STX5: variants seen among roughly 807,000 people sequenced by gnomAD.
STX5 encodes the protein syntaxin-5.
Under a neutral mutation model 42.9 loss-of-function variants are expected in STX5, and 15 were observed. The ratio of observed to expected loss-of-function variants is 0.35; its 90% confidence interval spans 0.23 to 0.54. STX5 has a LOEUF of 0.54. Among genes scored for constraint, STX5 ranks in the 20% least tolerant of loss-of-function variants. The pLI, the probability that STX5 is intolerant of heterozygous loss-of-function variation, is 0.91. For missense variants in STX5, 430 were observed against 455.0 expected (o/e 0.95, Z 0.50); for synonymous variants, 184 against 173.2 (o/e 1.06, Z -0.49).
chr11:62,823,428 C>A (rs2084761473), intron 10 of STX5, among the ~76,000 whole-genome samples: 1 of 152,180 alleles, frequency 6.6e-6, no homozygotes, highest in Non-Finnish European at 1.5e-5. Context: ...GTGGGCCTCC[C>A]AAAGTGCTGG....
At chr11:62,820,176 C>G (rs1481742115) in intron 10 of STX5, among the ~76,000 whole-genome samples, 4 of 151,340 alleles carry the variant, frequency 2.6e-5, no homozygotes, top group African/African-American at 9.7e-5. Context: ...CGAGACCATC[C>G]TGGCTAACAT....
chr11:62,831,373 C>T (rs1008496717), intron 1 of STX5, 111 bp from the exon 2 acceptor site: 22 of 829,938 alleles, frequency 2.7e-5, no homozygotes, highest in Admixed American at 6.0e-5. Context: ...CGTGGACTTT[C>T]GCGCCCAGGA....
intron 10 of STX5, among the ~76,000 whole-genome samples, chr11:62,812,317 T>TC (rs1416089795): frequency 6.6e-6 from 1 of 151,770 alleles, no homozygotes; most frequent in Non-Finnish European, 1.5e-5. Context: ...CCTCAGGTGG[T>TC]CCGCCCGCCT....
At chr11:62,819,347 A>C (rs902910497) in intron 10 of STX5, among the ~76,000 whole-genome samples, 1 of 149,688 alleles carries the variant, frequency 6.7e-6, no homozygotes, top group Non-Finnish European at 1.5e-5. Context: ...TTGTCAGCAG[A>C]TCTCCACTAC....
intron 10 of STX5, among the ~76,000 whole-genome samples, chr11:62,813,257 G>T (rs762797944): frequency 6.6e-6 from 1 of 152,126 alleles, no homozygotes; most frequent in African/African-American, 2.4e-5. Flanking sequence ...CTGGGTGACA[G>T]AGTGAGACTG....
At chr11:62,807,749 G>A in intron 10 of STX5, 121 bp from the exon 11 acceptor site, 1 of 1,481,298 alleles carries the variant, frequency 6.8e-7, no homozygotes, top group Non-Finnish European at 9.0e-7. Context: ...ATATATATTT[G>A]TGTATAGAAA....
At position 62,807,245 on chromosome 11, in the gene STX5, C is replaced by T; in HGVS notation, c.*224G>A. On this transcript the variant is annotated 3_prime_UTR_variant, in exon 11 of 11. Coordinates refer to ENST00000294179, the MANE Select transcript of STX5 (RefSeq NM_003164.5). Reference sequence around the variant, plus strand: ...CTTCCAGTCACTTCACAGCAGAGTTCAAATCTAGAACCCTGTGTGTTTCAT... The same window carrying T: ...CTTCCAGTCACTTCACAGCAGAGTTTAAATCTAGAACCCTGTGTGTTTCAT... 1 of 571,872 alleles carries T rather than the reference C, an allele frequency of 1.7e-6. No homozygotes were observed. The highest frequency in any genetic ancestry group is 2.8e-6 in the Non-Finnish European group (1 of 350,994). The allele number at this position is 571,872 out of a possible 1,614,324, so 35.4% of individuals were successfully genotyped here.
rs1031492820 is a variant in STX5 at position 62,820,286 on chromosome 11, G to A, written c.908+3880C>T. On this transcript the variant is annotated intron_variant, in intron 10 of 10. Coordinates refer to ENST00000294179, the MANE Select transcript of STX5 (RefSeq NM_003164.5). ...ACTCGGGAGGCTGAGGCAGAATGGC[G>A]TGAACCTGTGAGGTGGAGCTTGCAG... Among the ~76,000 whole-genome samples, 25 of 150,846 alleles carry A rather than the reference G, an allele frequency of 1.7e-4. No homozygotes were observed. In the East Asian group the frequency reaches 4.2e-3, roughly 25 times the overall value.
intron 10 of STX5, among the ~76,000 whole-genome samples, chr11:62,808,917 A>G (rs1565205853): frequency 6.6e-6 from 1 of 152,264 alleles, no homozygotes. Context: ...AGGCCCACTG[A>G]AGACACACAT....
At chr11:62,822,777 G>A (rs1220019957) in intron 10 of STX5, among the ~76,000 whole-genome samples, 2 of 151,060 alleles carry the variant, frequency 1.3e-5, no homozygotes, top group East Asian at 1.9e-4. Flanking sequence ...CGTTCCACAA[G>A]GGCAAGGATT....
intron 10 of STX5, among the ~76,000 whole-genome samples, chr11:62,819,351 C>T (rs1386364247): frequency 6.8e-6 from 1 of 146,194 alleles, no homozygotes; most frequent in Admixed American, 6.8e-5. Context: ...CAGCAGATCT[C>T]CACTACAAAA....
At chr11:62,826,513 C>T (rs1300251660) in intron 5 of STX5, among the ~76,000 whole-genome samples, 1 of 151,918 alleles carries the variant, frequency 6.6e-6, no homozygotes, top group Non-Finnish European at 1.5e-5. Context: ...GCTGAGATCG[C>T]GCCACTGTGC....
At chr11:62,830,922 T>C (rs2084849976) in intron 2 of STX5, 97 bp downstream of exon 2, 2 of 1,141,576 alleles carry the variant, frequency 1.8e-6, no homozygotes, top group Non-Finnish European at 2.6e-6. Flanking sequence ...TTCCATCAGG[T>C]ACCCCCCAAA....
chr11:62,810,285 T>A (rs564870612), intron 10 of STX5, among the ~76,000 whole-genome samples: 1 of 150,908 alleles, frequency 6.6e-6, no homozygotes, highest in African/African-American at 2.4e-5. Context: ...TACAAAAAAA[T>A]TTAAAAATTA....
chr11:62,831,022 A>G lies in STX5; in HGVS notation c.222T>C (p.Arg74=). ...FLSACKSLQT[R]QNGIQTNKPA... ...CTTTTCCACTCCAGGTCCTTACCTGACGGGTCTGCAGCGACTTGCAGGCAG... is the reference window on the plus strand; with the variant it reads ...CTTTTCCACTCCAGGTCCTTACCTGGCGGGTCTGCAGCGACTTGCAGGCAG... The change falls in exon 2 of 11, where the codon CGT becomes CGC. Residue 74 remains arginine, a synonymous_variant. Transcript: ENST00000294179. 6.5e-7 allele frequency: 1 copy of G among 1,550,320 alleles called. No homozygotes were observed. Among genetic ancestry groups the G allele is most frequent in the Non-Finnish European group, 8.7e-7 (1 of 1,147,234 alleles).
intron 10 of STX5, among the ~76,000 whole-genome samples, chr11:62,820,264 C>A (rs369169492): frequency 1.3e-5 from 2 of 149,826 alleles, no homozygotes; most frequent in African/African-American, 4.9e-5. Flanking sequence ...ACCAGCTACT[C>A]GGGAGGCTGA....
At chr11:62,829,475 T>A (rs1037092311) in intron 2 of STX5, among the ~76,000 whole-genome samples, 6 of 151,388 alleles carry the variant, frequency 4.0e-5, no homozygotes, top group African/African-American at 7.3e-5. Context: ...AAATTTTTTT[T>A]AAGAGGAGCT....
rs551765635 is a variant in STX5 at position 62,829,997 on chromosome 11, G to A, written c.225+1022C>T. ...GGAGAATCGCTTGAACCCAGGAAGAGGAGGTTGCAGTGAGCCGAGATTGCA... is the reference window on the plus strand; with the variant it reads ...GGAGAATCGCTTGAACCCAGGAAGAAGAGGTTGCAGTGAGCCGAGATTGCA... On this transcript the variant is annotated intron_variant, in intron 2 of 10. Coordinates refer to ENST00000294179, the MANE Select transcript of STX5 (RefSeq NM_003164.5). 6.0e-5 allele frequency among the ~76,000 whole-genome samples: 9 copies of A among 150,828 alleles called. No individual in the cohort carries two copies. The South Asian group carries it at 1.5e-3, about 25-fold the overall frequency.
At chr11:62,813,830 CCT>C (rs1252192266) in intron 10 of STX5, among the ~76,000 whole-genome samples, 3 of 152,122 alleles carry the variant, frequency 2.0e-5, no homozygotes, top group African/African-American at 2.4e-5. Flanking sequence ...GCTACAATAG[CCT>C]CTGTCTTCCC....
Sources: allele counts gnomAD v4.1 joint callset (sites outside exome capture counted in the v4.1 genomes callset), GRCh38; gene constraint gnomAD v4.1.1; transcripts MANE v1.5; gene names NCBI Gene and HGNC (gene_info 2026-07-23, HGNC 2026-07-21).